CDH13: variants seen among roughly 807,000 people sequenced by gnomAD.
CDH13 encodes cadherin-13.
Under a neutral mutation model 63.8 loss-of-function variants are expected in CDH13, and 24 were observed. The observed-to-expected ratio is 0.38, with a 90% CI of 0.27 to 0.53. The LOEUF (loss-of-function observed/expected upper bound fraction) is 0.53, where lower values mean the gene tolerates loss of function less well. Among genes scored for constraint, CDH13 ranks in the 20% least tolerant of loss-of-function variants. CDH13 has a pLI of 0.85. For missense variants in CDH13, 1,049 were observed against 903.1 expected, an observed-to-expected ratio of 1.16 and a Z score of -2.07; for synonymous variants, 503 against 355.3, an observed-to-expected ratio of 1.42 and a Z score of -4.67.
In CDH13 at chr16:83,337,518, G is replaced by A. The variant is rs145625458; in HGVS notation, c.637-7344G>A. On this transcript the variant is annotated intron_variant, in intron 5 of 13. Coordinates refer to ENST00000567109, the MANE Select transcript of CDH13 (RefSeq NM_001257.5). ...CGGTATCTTAGTGTCTCCACCTTTG[G>A]ATAAAGTATTTTTGCTTTAAACAAA... Among the ~76,000 whole-genome samples, 73 of 151,252 alleles carry A rather than the reference G, an allele frequency of 4.8e-4. No individual in the cohort carries two copies. In the East Asian group the frequency reaches 0.013, roughly 27 times the overall value.
intron 7 of CDH13, among the ~76,000 whole-genome samples, chr16:83,591,823 T>C (rs1175198349): frequency 6.6e-6 from 1 of 152,232 alleles, no homozygotes; most frequent in Non-Finnish European, 1.5e-5. Flanking sequence ...GAGAGCGTAC[T>C]TTTTCTTGTC....
At chr16:82,706,361 G>A (rs1007941914) in intron 1 of CDH13, among the ~76,000 whole-genome samples, 1 of 152,202 alleles carries the variant, frequency 6.6e-6, no homozygotes, top group Non-Finnish European at 1.5e-5. Flanking sequence ...ACAAGTGATA[G>A]GGAATGGCTT....
Position 82,678,319 on chromosome 16 carries a change from CT to C in CDH13, c.45+51197del, listed in dbSNP as rs11369498. On this transcript the variant is annotated intron_variant, in intron 1 of 13. Transcript: ENST00000567109. ...GCAAATGCATGGCATACAGAAAAAA[CT>C]TTTTTTTTTTTTTTAGCTCTGAAAG... Among the ~76,000 whole-genome samples the C allele has an allele frequency of 3.9e-3, 560 of 144,734 alleles. 1 individual carries two copies. Among genetic ancestry groups the C allele is most frequent in the African/African-American group, 0.011 (435 of 39,086 alleles). The allele number at this position is 144,734 out of a possible 152,430, so 95.0% of individuals were successfully genotyped here.
chr16:83,118,698 A>T (rs187596334), intron 3 of CDH13, among the ~76,000 whole-genome samples: 16 of 151,996 alleles, frequency 1.1e-4, no homozygotes, highest in Non-Finnish European at 1.8e-4. Flanking sequence ...GCAGCTTCTC[A>T]TTTCATTCTC....
chr16:83,609,453 A>G (rs1024712558), intron 8 of CDH13, among the ~76,000 whole-genome samples: 1 of 152,236 alleles, frequency 6.6e-6, no homozygotes, highest in Non-Finnish European at 1.5e-5. Flanking sequence ...TATGAGTTTT[A>G]TGTTATCTTT....
chr16:83,727,732 G>GT (rs1002010264), intron 10 of CDH13, among the ~76,000 whole-genome samples: 2 of 152,122 alleles, frequency 1.3e-5, no homozygotes, highest in Admixed American at 6.5e-5. Flanking sequence ...AAAGGCCTGT[G>GT]TGTTCAGGAC....
At chr16:83,197,646 G>A (rs2038912708) in intron 4 of CDH13, among the ~76,000 whole-genome samples, 1 of 152,184 alleles carries the variant, frequency 6.6e-6, no homozygotes, top group African/African-American at 2.4e-5. Context: ...AGAGGAAGAT[G>A]TGGTTGTGAA....
At position 83,418,959 on chromosome 16, in the gene CDH13, C is replaced by G. The variant is rs576925846; in HGVS notation, c.782-67518C>G. 1.5e-4 allele frequency among the ~76,000 whole-genome samples: 23 copies of G among 152,186 alleles called. No homozygotes were observed. The South Asian group carries it at 1.9e-3, about 12-fold the overall frequency. ...TCTTCTGATAGGGAATGGCAAAGCC[C>G]CCTAAATTCATGAAACATATGCAGG... On this transcript the variant is annotated intron_variant, in intron 6 of 13. Coordinates refer to ENST00000567109, the MANE Select transcript of CDH13 (RefSeq NM_001257.5).
intron 8 of CDH13, among the ~76,000 whole-genome samples, chr16:83,609,001 T>G (rs565963991): frequency 6.6e-6 from 1 of 152,350 alleles, no homozygotes; most frequent in South Asian, 2.1e-4. Flanking sequence ...AGAAATTTTC[T>G]CTGTGTCATC....
At chr16:82,824,091 A>G (rs982067768) in intron 1 of CDH13, 1 of 152,218 alleles carries the variant, frequency 6.6e-6, no homozygotes. Flanking sequence ...CAGAGAGGCT[A>G]TGAGATGTCA....
At chr16:83,087,035 C>A (rs957688265) in intron 3 of CDH13, among the ~76,000 whole-genome samples, 10 of 152,140 alleles carry the variant, frequency 6.6e-5, no homozygotes, top group Admixed American at 4.6e-4. Flanking sequence ...ACTAAGGCTA[C>A]CAAAGAAAAT....
At chr16:82,986,732 A>C (rs1021617886) in intron 2 of CDH13, among the ~76,000 whole-genome samples, 2 of 152,222 alleles carry the variant, frequency 1.3e-5, no homozygotes, top group East Asian at 3.9e-4. Flanking sequence ...TGGTCAAACC[A>C]AGTCACAAGG....
At chr16:82,821,792 G>C (rs921118967) in intron 1 of CDH13, among the ~76,000 whole-genome samples, 2 of 152,198 alleles carry the variant, frequency 1.3e-5, no homozygotes, top group Non-Finnish European at 2.9e-5. Context: ...CTCAAATGAA[G>C]TGTAGGATTT....
intron 1 of CDH13, among the ~76,000 whole-genome samples, chr16:82,648,568 T>C (rs1597214529): frequency 1.3e-5 from 2 of 152,168 alleles, no homozygotes; most frequent in Non-Finnish European, 2.9e-5. Flanking sequence ...GCAGTAGGAT[T>C]CCTACAAAGC....
chr16:83,587,041 T>A (rs796744254), intron 7 of CDH13, among the ~76,000 whole-genome samples: 6 of 152,358 alleles, frequency 3.9e-5, no homozygotes, highest in African/African-American at 1.4e-4. Flanking sequence ...TGGGCTCCTT[T>A]CGTTTCTAAA....
intron 5 of CDH13, among the ~76,000 whole-genome samples, chr16:83,246,832 C>T (rs1212553434): frequency 1.3e-5 from 2 of 152,168 alleles, no homozygotes; most frequent in Non-Finnish European, 2.9e-5. Context: ...CGTCTGTTTC[C>T]TTCTTCAGTT....
At chr16:83,590,775 C>T (rs1207742349) in intron 7 of CDH13, among the ~76,000 whole-genome samples, 8 of 151,296 alleles carry the variant, frequency 5.3e-5, no homozygotes, top group African/African-American at 7.4e-5. Context: ...GCCCCTAAAT[C>T]GACGACATCA....
chr16:82,954,749 TG>T (rs1326625154), intron 2 of CDH13: 1 of 119,922 alleles, frequency 8.3e-6, no homozygotes, highest in South Asian at 3.5e-4. Context: ...TTAAATCTCC[TG>T]GAAAAAAAAA....
chr16:83,257,350 G>C (rs915915606), intron 5 of CDH13, among the ~76,000 whole-genome samples: 18 of 152,096 alleles, frequency 1.2e-4, no homozygotes, highest in Non-Finnish European at 2.2e-4. Context: ...TAGAATGACA[G>C]AATAAGAAAT....
Sources: allele counts gnomAD v4.1 joint callset (sites outside exome capture counted in the v4.1 genomes callset), GRCh38; gene constraint gnomAD v4.1.1; transcripts MANE v1.5; gene names NCBI Gene and HGNC (gene_info 2026-07-23, HGNC 2026-07-21).